TPD52L1: variants seen among roughly 807,000 people sequenced by gnomAD.
TPD52L1 encodes tumor protein D53.
TPD52L1 carries 18 observed loss-of-function variants against 28.7 expected under a neutral mutation model. The ratio of observed to expected loss-of-function variants is 0.63; its 90% confidence interval spans 0.43 to 0.93. TPD52L1 has a LOEUF of 0.93. TPD52L1 is among the 40% of genes least tolerant of loss of function. The pLI is 0.00. For synonymous variants in TPD52L1, 75 were observed against 88.8 expected, an observed-to-expected ratio of 0.84 and a Z score of 0.88; for missense variants, 203 against 254.8, an observed-to-expected ratio of 0.80 and a Z score of 1.39.
intron 1 of TPD52L1, among the ~76,000 whole-genome samples, chr6:125,206,306 C>T (rs926387516): frequency 2.7e-4 from 41 of 151,180 alleles, no homozygotes; most frequent in Non-Finnish European, 2.9e-5. Context: ...TGTCTTAGTG[C>T]AATTTATAAT....
intron 1 of TPD52L1, among the ~76,000 whole-genome samples, chr6:125,204,289 A>G (rs1012432202): frequency 6.6e-6 from 1 of 152,176 alleles, no homozygotes; most frequent in Non-Finnish European, 1.5e-5. Flanking sequence ...CCTTGAAGGA[A>G]CAAGATGCAT....
intron 1 of TPD52L1, among the ~76,000 whole-genome samples, chr6:125,172,561 A>ATATATAATATATATATATAATATATAT (rs1562215221): frequency 4.4e-5 from 4 of 90,494 alleles, no homozygotes; most frequent in African/African-American, 2.0e-4. Flanking sequence ...TAATATATAT[A>ATATATAATATATATATATAATATATAT]CTATATGGCA....
chr6:125,200,431 T>C (rs1382789303), intron 1 of TPD52L1, among the ~76,000 whole-genome samples: 2 of 152,246 alleles, frequency 1.3e-5, no homozygotes, highest in Non-Finnish European at 2.9e-5. Context: ...AATTTTTAAA[T>C]GTCCCTCAGT....
intron 4 of TPD52L1, chr6:125,253,207 C>T (rs1468942508): frequency 6.3e-6 from 1 of 159,910 alleles, no homozygotes; most frequent in African/African-American, 2.4e-5. Flanking sequence ...GCAGAAGTCC[C>T]TATGGCCTAT....
intron 1 of TPD52L1, among the ~76,000 whole-genome samples, chr6:125,169,627 G>A (rs1157211696): frequency 6.6e-6 from 1 of 152,168 alleles, no homozygotes; most frequent in Admixed American, 6.5e-5. Context: ...GATGTAGCCA[G>A]AATGGGACAG....
intron 1 of TPD52L1, among the ~76,000 whole-genome samples, chr6:125,194,415 C>T (rs1471657139): frequency 6.6e-6 from 1 of 152,132 alleles, no homozygotes; most frequent in Non-Finnish European, 1.5e-5. Flanking sequence ...TCTCTTATCC[C>T]ATCATTCTTC....
intron 2 of TPD52L1, among the ~76,000 whole-genome samples, chr6:125,226,813 G>A (rs1475502538): frequency 6.6e-6 from 1 of 152,060 alleles, no homozygotes; most frequent in Non-Finnish European, 1.5e-5. Flanking sequence ...ATACAACCAT[G>A]AGAAATATTG....
chr6:125,220,546 C>A (rs1450435957), intron 2 of TPD52L1, among the ~76,000 whole-genome samples: 2 of 152,142 alleles, frequency 1.3e-5, no homozygotes, highest in African/African-American at 2.4e-5. Context: ...GGTGCAAGAT[C>A]CTTTTGAAGA....
intron 1 of TPD52L1, among the ~76,000 whole-genome samples, chr6:125,210,449 A>G (rs1794419097): frequency 6.6e-6 from 1 of 152,248 alleles, no homozygotes; most frequent in Admixed American, 6.5e-5. Flanking sequence ...AGGTAATGCC[A>G]AATGACCATA....
At chr6:125,235,629 G>C (rs148625085) in intron 3 of TPD52L1, among the ~76,000 whole-genome samples, 1 of 152,202 alleles carries the variant, frequency 6.6e-6, no homozygotes, top group African/African-American at 2.4e-5. Context: ...TGATTACTTT[G>C]TTCTTGAAAA....
intron 3 of TPD52L1, among the ~76,000 whole-genome samples, chr6:125,243,942 C>G (rs1296026388): frequency 2.0e-5 from 3 of 152,024 alleles, no homozygotes; most frequent in African/African-American, 7.2e-5. Context: ...TAAAATTGTT[C>G]TTGAATTTAT....
At chr6:125,163,387 G>A (rs1430675059) in intron 1 of TPD52L1, among the ~76,000 whole-genome samples, 5 of 151,910 alleles carry the variant, frequency 3.3e-5, no homozygotes, top group African/African-American at 4.8e-5. Context: ...TTCAAGACCA[G>A]CCCAGACAAC....
intron 3 of TPD52L1, among the ~76,000 whole-genome samples, chr6:125,237,618 T>C (rs1290772235): frequency 6.6e-6 from 1 of 152,182 alleles, no homozygotes; most frequent in Non-Finnish European, 1.5e-5. Flanking sequence ...TAATTCTGAA[T>C]CACAGTCCAT....
intron 1 of TPD52L1, among the ~76,000 whole-genome samples, chr6:125,167,892 C>G (rs1791012978): frequency 6.6e-6 from 1 of 151,618 alleles, no homozygotes; most frequent in South Asian, 2.1e-4. Flanking sequence ...GGTTGAGTAA[C>G]AGTAAACTAT....
chr6:125,246,316 C>T (rs1796922756), intron 3 of TPD52L1, among the ~76,000 whole-genome samples: 1 of 152,142 alleles, frequency 6.6e-6, no homozygotes, highest in Non-Finnish European at 1.5e-5. Context: ...CAGTTTTTCA[C>T]CCGTCTCTCA....
In TPD52L1 at chr6:125,203,973, A is replaced by C. The variant is rs370343797; in HGVS notation, c.20-16105A>C. Among the ~76,000 whole-genome samples the C allele has an allele frequency of 2.2e-4, 33 of 152,322 alleles. No individual in the cohort carries two copies. In the South Asian group the frequency reaches 6.8e-3, roughly 32 times the overall value. ...GGAGCTTAGAACATATAACACAACTATGTCCTAATGACATGAGGAGACACC... is the reference window on the plus strand; with the variant it reads ...GGAGCTTAGAACATATAACACAACTCTGTCCTAATGACATGAGGAGACACC... On this transcript the variant is annotated intron_variant, in intron 1 of 6. Transcript: ENST00000534000.
chr6:125,239,461 G>A (rs1796489744), intron 3 of TPD52L1, among the ~76,000 whole-genome samples: 1 of 152,142 alleles, frequency 6.6e-6, no homozygotes, highest in African/African-American at 2.4e-5. Context: ...GAGAATGAGA[G>A]CCAAGCGATA....
chr6:125,196,470 C>T (rs529108250), intron 1 of TPD52L1, among the ~76,000 whole-genome samples: 32 of 152,218 alleles, frequency 2.1e-4, no homozygotes, highest in Admixed American at 2.0e-3. Context: ...TAATTATTGT[C>T]GTGGCTCCTG....
intron 1 of TPD52L1, among the ~76,000 whole-genome samples, chr6:125,198,034 C>G (rs1793558889): frequency 6.6e-6 from 1 of 152,162 alleles, no homozygotes; most frequent in African/African-American, 2.4e-5. Flanking sequence ...CAGTCAAAGC[C>G]CTACCAGGAA....
Sources: allele counts gnomAD v4.1 joint callset (sites outside exome capture counted in the v4.1 genomes callset), GRCh38; gene constraint gnomAD v4.1.1; transcripts MANE v1.5; gene names NCBI Gene and HGNC (gene_info 2026-07-23, HGNC 2026-07-21).